Variants in ETV5 observed in about 807,000 individuals in gnomAD.
ETV5 encodes the protein ETS variant transcription factor 5, also known as ETS translocation variant 5.
Under a neutral mutation model 70.0 loss-of-function variants are expected in ETV5, and 10 were observed. The ratio of observed to expected loss-of-function variants is 0.14; its 90% CI spans 0.09 to 0.24. The LOEUF is 0.24. Ranked by LOEUF, ETV5 falls within the 10% of genes least tolerant of loss-of-function variation. The pLI is 1.00. For synonymous variants in ETV5, 216 were observed against 242.2 expected (o/e 0.89, Z 1.01); for missense variants, 453 against 651.2 (o/e 0.70, Z 3.31).
At chr3:186,104,529 G>A (rs564157487) in intron 5 of ETV5, among the ~76,000 whole-genome samples, 1 of 152,220 alleles carries the variant, frequency 6.6e-6, no homozygotes, top group South Asian at 2.1e-4. Flanking sequence ...CATGTTGGAT[G>A]AAGCCAAAGT....
intron 7 of ETV5, chr3:186,076,632 G>A (rs1713797367): frequency 5.4e-6 from 1 of 185,504 alleles, no homozygotes; most frequent in African/African-American, 2.3e-5. Flanking sequence ...AGCTATTTAC[G>A]GTATAATTTT....
At chr3:186,086,161 G>A (rs552482691) in intron 5 of ETV5, among the ~76,000 whole-genome samples, 3 of 152,304 alleles carry the variant, frequency 2.0e-5, no homozygotes, top group Admixed American at 6.5e-5. Flanking sequence ...GTCTTAGCTC[G>A]TCAGGGGTAG....
Position 186,105,619 on chromosome 3 carries a change from T to TA in ETV5, c.133+5dup, listed in dbSNP as rs766674414. On this transcript the variant is annotated splice_donor_region_variant and intron_variant, in intron 3 of 12. Coordinates refer to ENST00000306376, the MANE Select transcript of ETV5 (RefSeq NM_004454.3). The surrounding 1 kb of genome is among the most constrained non-coding windows in gnomAD (Gnocchi z 4.5). ...GCCACAACATAATCAGGGAAAGCTT[T>TA]ACTACCTTCAGAATCGTGAGCCAGA... is the stretch of plus-strand genomic sequence containing the variant. The TA allele has an allele frequency of 6.2e-7, 1 of 1,614,210 alleles. No individual in the cohort carries two copies. The highest frequency in any genetic ancestry group is 8.5e-7 in the Non-Finnish European group (1 of 1,180,016).
At chr3:186,084,092 G>T (rs1713995766) in intron 5 of ETV5, 1 of 287,172 alleles carries the variant, frequency 3.5e-6, no homozygotes, top group Non-Finnish European at 7.0e-6. Flanking sequence ...GAGAAATAAA[G>T]AAAAGGGCAC....
Position 186,054,173 on chromosome 3 carries a change from A to G in ETV5, c.1210-2042T>C, listed in dbSNP as rs933161482. 1.3e-5 allele frequency among the ~76,000 whole-genome samples: 2 copies of G among 152,254 alleles called. No homozygotes were observed. Among genetic ancestry groups the G allele is most frequent in the African/African-American group, 2.4e-5 (1 of 41,470 alleles). ...ACGGCTGTTCCTTCTACAGTAATGC[A>G]TGAGGCGGCTCAGCTCCAGAGCAGC... On this transcript the variant is annotated intron_variant, in intron 11 of 12. Transcript: ENST00000306376. The surrounding 1 kb of genome is among the most constrained non-coding windows in gnomAD (Gnocchi z 4.4).
At chr3:186,065,698 TATAA>T in intron 8 of ETV5, 111 bp downstream of exon 8, 2 of 1,293,768 alleles carry the variant, frequency 1.5e-6, no homozygotes. Context: ...TTATAAAAAT[TATAA>T]AAAATTCTTA....
intron 5 of ETV5, among the ~76,000 whole-genome samples, chr3:186,100,940 T>C (rs1165691715): frequency 1.3e-5 from 2 of 152,240 alleles, no homozygotes; most frequent in Admixed American, 6.5e-5. Context: ...CTGCTATTTA[T>C]ATATGCTAAA....
chr3:186,062,643 C>T (rs997166193), intron 9 of ETV5, among the ~76,000 whole-genome samples: 4 of 151,886 alleles, frequency 2.6e-5, no homozygotes, highest in Non-Finnish European at 4.4e-5. Flanking sequence ...AAAACCAAAC[C>T]CAGAAATATC....
chr3:186,055,314 T>C (rs1306255187), intron 11 of ETV5, among the ~76,000 whole-genome samples: 1 of 152,186 alleles, frequency 6.6e-6, no homozygotes, highest in Non-Finnish European at 1.5e-5. Context: ...TGAACCTAGG[T>C]GACATGCTTT....
chr3:186,050,803 C>T (rs570020330), intron 12 of ETV5, among the ~76,000 whole-genome samples: 2 of 152,028 alleles, frequency 1.3e-5, no homozygotes, highest in South Asian at 4.2e-4. Context: ...CTGGTGCCAT[C>T]AGAAGCAGCA....
intron 5 of ETV5, chr3:186,084,143 C>A: frequency 2.3e-6 from 1 of 427,828 alleles, no homozygotes; most frequent in Non-Finnish European, 4.6e-6. Flanking sequence ...GTAATTATAC[C>A]CTGTGCTTTC....
rs1216937187 is a variant in ETV5 at position 186,048,558 on chromosome 3, AAC to A, written c.*79_*80del. 3.0e-6 allele frequency: 4 copies of A among 1,339,922 alleles called. No homozygotes were observed. Among genetic ancestry groups the A allele is most frequent in the South Asian group, 2.5e-5 (2 of 79,924 alleles). 83.0% of individuals were successfully genotyped at this position (1,339,922 alleles called of 1,614,324 possible). Reference sequence around the variant, plus strand: ...AGGGCAAGCTTTAGGAACAACCAAAAACACAAACAAAACCACTGCCCTTGTTT... The same window carrying A: ...AGGGCAAGCTTTAGGAACAACCAAAAACAAACAAAACCACTGCCCTTGTTT... On this transcript the variant is annotated 3_prime_UTR_variant, in exon 13 of 13. Coordinates refer to ENST00000306376, the MANE Select transcript of ETV5 (RefSeq NM_004454.3).
At chr3:186,089,526 T>C (rs1163605045) in intron 5 of ETV5, among the ~76,000 whole-genome samples, 1 of 152,224 alleles carries the variant, frequency 6.6e-6, no homozygotes, top group East Asian at 1.9e-4. Flanking sequence ...ATTATCTCCA[T>C]CTGTGTCACT....
intron 1 of ETV5, chr3:186,108,707 G>C: frequency 9.0e-7 from 1 of 1,114,378 alleles, no homozygotes; most frequent in Non-Finnish European, 1.1e-6. Flanking sequence ...GTGGAAAGCC[G>C]CTCTCCCCGC....
At chr3:186,091,435 T>C (rs1237413930) in intron 5 of ETV5, among the ~76,000 whole-genome samples, 1 of 152,190 alleles carries the variant, frequency 6.6e-6, no homozygotes, top group Non-Finnish European at 1.5e-5. Flanking sequence ...AGATCAACCA[T>C]GAGATAGCAG....
At chr3:186,087,080 CT>C in intron 5 of ETV5, among the ~76,000 whole-genome samples, 1 of 151,766 alleles carries the variant, frequency 6.6e-6, no homozygotes, top group Admixed American at 6.6e-5. Context: ...GATTGGAAAG[CT>C]TAACATTATA....
At chr3:186,107,902 C>T (rs545140112) in intron 1 of ETV5, among the ~76,000 whole-genome samples, 7 of 151,956 alleles carry the variant, frequency 4.6e-5, no homozygotes, top group Non-Finnish European at 8.8e-5. Context: ...CCTTCAGCTG[C>T]GCCCCCGCCC....
At chr3:186,078,744 C>A (rs1002699499) in intron 7 of ETV5, among the ~76,000 whole-genome samples, 6 of 151,882 alleles carry the variant, frequency 4.0e-5, no homozygotes, top group South Asian at 2.1e-4. Flanking sequence ...GTAACACAGG[C>A]GTTCGTGTTC....
chr3:186,083,345 C>G (rs1713976117), intron 5 of ETV5, among the ~76,000 whole-genome samples: 1 of 152,182 alleles, frequency 6.6e-6, no homozygotes, highest in Admixed American at 6.5e-5. Flanking sequence ...TTTGCAATCA[C>G]CACTTTACCT....
Sources: allele counts gnomAD v4.1 joint callset (sites outside exome capture counted in the v4.1 genomes callset), GRCh38; gene constraint gnomAD v4.1.1; non-coding constraint Gnocchi (gnomAD v3.1); transcripts MANE v1.5; gene names NCBI Gene and HGNC (gene_info 2026-07-23, HGNC 2026-07-21).